The following ZNF385B variants were observed in gnomAD, a reference collection of about 807,000 sequenced individuals.
ZNF385B encodes zinc finger protein 533.
In ZNF385B, 23 loss-of-function variants were observed where a neutral mutation model predicts 39.2. The observed-to-expected ratio is 0.59, with a 90% CI of 0.42 to 0.83. ZNF385B has a LOEUF of 0.83. Ranked by LOEUF, ZNF385B falls within the 40% of genes least tolerant of loss-of-function variation. The pLI, the probability that ZNF385B is intolerant of heterozygous loss-of-function variation, is 0.00. For synonymous variants in ZNF385B, 205 were observed against 222.6 expected, an observed-to-expected ratio of 0.92 and a Z score of 0.70; for missense variants, 552 against 598.9, an observed-to-expected ratio of 0.92 and a Z score of 0.82.
At chr2:179,453,746 C>T (rs949907306) in intron 6 of ZNF385B, among the ~76,000 whole-genome samples, 32 of 152,200 alleles carry the variant, frequency 2.1e-4, no homozygotes, top group African/African-American at 6.3e-4. Context: ...TAGTGCCCAA[C>T]GTAAGAAGTC....
At chr2:179,702,102 T>C (rs1263736037) in intron 3 of ZNF385B, among the ~76,000 whole-genome samples, 33 of 152,186 alleles carry the variant, frequency 2.2e-4, no homozygotes, top group Non-Finnish European at 4.9e-4. Flanking sequence ...TGTATACATA[T>C]GTAACAAACC....
chr2:179,778,345 A>G (rs536171207), intron 1 of ZNF385B, among the ~76,000 whole-genome samples: 1 of 152,270 alleles, frequency 6.6e-6, no homozygotes, highest in East Asian at 1.9e-4. Flanking sequence ...TCCCACTACG[A>G]CTGCCAGGGC....
chr2:179,527,234 C>T (rs2058965104), intron 4 of ZNF385B, among the ~76,000 whole-genome samples: 1 of 152,168 alleles, frequency 6.6e-6, no homozygotes, highest in Non-Finnish European at 1.5e-5. Flanking sequence ...AGTATATATT[C>T]CCGATAGAAA....
At chr2:179,595,711 G>T (rs187643430) in intron 3 of ZNF385B, among the ~76,000 whole-genome samples, 7 of 146,502 alleles carry the variant, frequency 4.8e-5, no homozygotes, top group Non-Finnish European at 7.5e-5. Flanking sequence ...CTACAATCTT[G>T]ACCTCCTGGG....
intron 3 of ZNF385B, among the ~76,000 whole-genome samples, chr2:179,625,785 A>G (rs1296761449): frequency 1.3e-5 from 2 of 152,162 alleles, no homozygotes; most frequent in South Asian, 2.1e-4. Context: ...ATATATCTAC[A>G]TAAATATAAA....
At chr2:179,453,361 G>A (rs1368488392) in intron 6 of ZNF385B, among the ~76,000 whole-genome samples, 1 of 152,094 alleles carries the variant, frequency 6.6e-6, no homozygotes, top group Non-Finnish European at 1.5e-5. Context: ...AGTCCTGCAG[G>A]ATTTATAAAA....
At chr2:179,682,769 CAG>C (rs1697616172) in intron 3 of ZNF385B, among the ~76,000 whole-genome samples, 1 of 142,290 alleles carries the variant, frequency 7.0e-6, no homozygotes, top group Non-Finnish European at 1.6e-5. Context: ...CATACACACA[CAG>C]ACATTTTTTA....
intron 3 of ZNF385B, among the ~76,000 whole-genome samples, chr2:179,577,489 G>A (rs1488892789): frequency 1.3e-5 from 2 of 151,980 alleles, no homozygotes; most frequent in Non-Finnish European, 2.9e-5. Flanking sequence ...TAATTATATA[G>A]TGTCAGCATC....
chr2:179,732,378 T>C (rs371266331), intron 3 of ZNF385B, among the ~76,000 whole-genome samples: 5 of 152,290 alleles, frequency 3.3e-5, no homozygotes, highest in African/African-American at 1.2e-4. Context: ...CAGCTGATCA[T>C]AATAGGAAAA....
At chr2:179,449,978 C>A (rs1454451001) in intron 6 of ZNF385B, among the ~76,000 whole-genome samples, 2 of 152,108 alleles carry the variant, frequency 1.3e-5, no homozygotes, top group Admixed American at 6.5e-5. Context: ...CTTTGACAAA[C>A]CTGACAAAAA....
At chr2:179,457,950 T>G (rs1467465072) in intron 6 of ZNF385B, among the ~76,000 whole-genome samples, 1 of 152,240 alleles carries the variant, frequency 6.6e-6, no homozygotes, top group Non-Finnish European at 1.5e-5. Context: ...GAGCATGGAT[T>G]CAAACAAAGG....
chr2:179,642,387 CA>C (rs2106222991), intron 3 of ZNF385B, among the ~76,000 whole-genome samples: 1 of 152,290 alleles, frequency 6.6e-6, no homozygotes, highest in South Asian at 2.1e-4. Flanking sequence ...TCAACTAACT[CA>C]TACACCTGAA....
At chr2:179,605,411 A>G (rs1574960108) in intron 3 of ZNF385B, among the ~76,000 whole-genome samples, 1 of 152,298 alleles carries the variant, frequency 6.6e-6, no homozygotes, top group Admixed American at 6.5e-5. Flanking sequence ...TTGTATTAGA[A>G]TCATCAATTG....
At chr2:179,504,990 G>A (rs2057122422) in intron 5 of ZNF385B, among the ~76,000 whole-genome samples, 1 of 152,036 alleles carries the variant, frequency 6.6e-6, no homozygotes, top group Non-Finnish European at 1.5e-5. Context: ...TGGGGACACA[G>A]ATCCAAACCA....
At chr2:179,754,268 T>C (rs576777281) in intron 3 of ZNF385B, among the ~76,000 whole-genome samples, 2 of 152,334 alleles carry the variant, frequency 1.3e-5, no homozygotes, top group Non-Finnish European at 2.9e-5. Context: ...CAGCCTTGCA[T>C]CCCAGGGATG....
intron 9 of ZNF385B, 44 bp downstream of exon 9, chr2:179,444,832 C>G (rs1337569740): frequency 6.4e-7 from 1 of 1,556,560 alleles, no homozygotes; most frequent in African/African-American, 1.4e-5. Context: ...CCCAACCCAG[C>G]AAGGCTGCCC....
intron 3 of ZNF385B, among the ~76,000 whole-genome samples, chr2:179,607,951 G>C (rs1017610009): frequency 3.9e-5 from 3 of 76,772 alleles, no homozygotes; most frequent in Non-Finnish European, 7.2e-5. Flanking sequence ...TTTTACTCTT[G>C]TTGCCCAGGC....
intron 6 of ZNF385B, among the ~76,000 whole-genome samples, chr2:179,455,608 C>T (rs967577473): frequency 1.3e-5 from 2 of 151,930 alleles, no homozygotes; most frequent in East Asian, 1.9e-4. Context: ...TACCTAGTCT[C>T]GGCCAGGCGC....
intron 1 of ZNF385B, among the ~76,000 whole-genome samples, chr2:179,832,759 TTAAAA>T (rs1708049834): frequency 6.6e-6 from 1 of 152,168 alleles, no homozygotes; most frequent in African/African-American, 2.4e-5. Flanking sequence ...CATCCTAGAA[TTAAAA>T]TAAGATATGC....
Sources: allele counts gnomAD v4.1 joint callset (sites outside exome capture counted in the v4.1 genomes callset), GRCh38; gene constraint gnomAD v4.1.1; transcripts MANE v1.5; gene names NCBI Gene and HGNC (gene_info 2026-07-23, HGNC 2026-07-21).